AGBL3: variants seen among roughly 807,000 people sequenced by gnomAD.
The protein encoded by AGBL3 is AGBL carboxypeptidase 3.
A neutral mutation model predicts 94.5 loss-of-function variants in AGBL3; 68 were observed. That is an observed-to-expected ratio of 0.72 (90% CI 0.59 to 0.88). The LOEUF (loss-of-function observed/expected upper bound fraction) is 0.88, where lower values mean the gene tolerates loss of function less well. Ranked by LOEUF, AGBL3 falls within the 40% of genes least tolerant of loss-of-function variation. The pLI is 0.00. For synonymous variants in AGBL3, 354 were observed against 370.7 expected (o/e 0.95, Z 0.52); for missense variants, 934 against 1,103.8 (o/e 0.85, Z 2.18).
chr7:134,999,266 A>G (rs767334961), intron 4 of AGBL3, among the ~76,000 whole-genome samples: 9 of 152,182 alleles, frequency 5.9e-5, no homozygotes, highest in Non-Finnish European at 1.2e-4. Context: ...AGTCCAGAGT[A>G]AATGTCTAGT....
rs112347407 is a variant in AGBL3, at chr7:134,997,383, G to A, written c.310+3705G>A. ...TGCGGCAGGGTCCAGATGAGACCTA[G>A]CACAAGCTTCCAGTTGTTCTCTCCC... On this transcript the variant is annotated intron_variant, in intron 4 of 16. Coordinates refer to ENST00000436302, the MANE Select transcript of AGBL3 (RefSeq NM_178563.4). 8.4e-3 allele frequency among the ~76,000 whole-genome samples: 1,275 copies of A among 152,278 alleles called. 17 individuals are homozygous for A. Among genetic ancestry groups the A allele is most frequent in the African/African-American group, 0.029 (1,215 of 41,554 alleles).
intron 16 of AGBL3, among the ~76,000 whole-genome samples, chr7:135,127,559 A>G (rs1428327621): frequency 6.6e-6 from 1 of 152,168 alleles, no homozygotes; most frequent in Admixed American, 6.5e-5. Flanking sequence ...CTAAAAAAAA[A>G]AAAAAAACTC....
At position 135,034,568 on chromosome 7, in the gene AGBL3, G is replaced by T. The variant is rs1171188152; in HGVS notation, c.977G>T (p.Arg326Leu). The change falls in exon 7 of 17, where the codon CGT becomes CTT. Residue 326 changes from arginine (R) to leucine (L), a missense_variant. Transcript: ENST00000436302. The stretch of plus-strand genomic sequence containing the variant: ...GTACGGTCAAAGTTTTGTAAAATAC[G>T]TGTTTTGTGCCACACGCTTGCTAGG... ...DPVRSKFCKIRVLCHTLARNM... is the reference protein window; with the variant it reads ...DPVRSKFCKILVLCHTLARNM... The T allele has an allele frequency of 3.9e-6, 6 of 1,551,786 alleles. No homozygotes were observed. Among genetic ancestry groups the T allele is most frequent in the Non-Finnish European group, 5.2e-6 (6 of 1,147,010 alleles).
intron 6 of AGBL3, among the ~76,000 whole-genome samples, chr7:135,033,477 CA>C (rs1310735736): frequency 6.6e-6 from 1 of 152,156 alleles, no homozygotes; most frequent in Non-Finnish European, 1.5e-5. Flanking sequence ...TGTACACATA[CA>C]CATTACATGC....
rs1246339932 is a variant in AGBL3 at position 134,994,721 on chromosome 7, G to A, written c.310+1043G>A. Among the ~76,000 whole-genome samples, 4 of 152,126 alleles carry A rather than the reference G, an allele frequency of 2.6e-5. No homozygotes were observed. The East Asian group carries it at 7.7e-4, about 29-fold the overall frequency. ...CTGGCATATAGATAGATAGACATGGGGAGAAAGGACGGGTGGAGAGAGAGA... is the reference window on the plus strand; with the variant it reads ...CTGGCATATAGATAGATAGACATGGAGAGAAAGGACGGGTGGAGAGAGAGA... On this transcript the variant is annotated intron_variant, in intron 4 of 16. Coordinates refer to ENST00000436302, the MANE Select transcript of AGBL3 (RefSeq NM_178563.4).
At chr7:135,010,296 GTTTT>G in intron 4 of AGBL3, 1 of 250,028 alleles carries the variant, frequency 4.0e-6, no homozygotes, top group African/African-American at 2.4e-5. Flanking sequence ...AAAGTGCTGG[GTTTT>G]TTTTTGTTGT....
At position 135,112,956 on chromosome 7, in the gene AGBL3, T is replaced by C. The variant is rs937436960; in HGVS notation, c.2111-2424T>C. Among the ~76,000 whole-genome samples the C allele has an allele frequency of 5.3e-5, 8 of 152,252 alleles. No individual in the cohort carries two copies. In the South Asian group the frequency reaches 1.2e-3, roughly 24 times the overall value. On this transcript the variant is annotated intron_variant, in intron 15 of 16. Transcript: ENST00000436302. ...CATGCCGACTTAATTTTTGTATTTT[T>C]AGTAGAGACAGGGTTTCACCCTGTT...
chr7:135,026,705 T>C (rs1399967084), intron 5 of AGBL3, among the ~76,000 whole-genome samples: 2 of 151,726 alleles, frequency 1.3e-5, no homozygotes, highest in Admixed American at 6.6e-5. Context: ...CTCCCCGTTT[T>C]ATTTTCAATC....
chr7:134,991,201 T>TGG (rs58596813), intron 3 of AGBL3, among the ~76,000 whole-genome samples: 2,108 of 80,410 alleles, frequency 0.026, 38 homozygotes, highest in Admixed American at 0.035. Context: ...TGTGTGTGGG[T>TGG]GGGGGGGGGG....
At chr7:135,073,329 G>T (rs1307656554) in intron 12 of AGBL3, among the ~76,000 whole-genome samples, 1 of 152,052 alleles carries the variant, frequency 6.6e-6, no homozygotes, top group African/African-American at 2.4e-5. Flanking sequence ...AATTAGCTGG[G>T]TGTGGTGGTG....
intron 16 of AGBL3, among the ~76,000 whole-genome samples, chr7:135,124,266 A>T (rs1233525100): frequency 6.6e-6 from 1 of 152,130 alleles, no homozygotes; most frequent in Admixed American, 6.5e-5. Context: ...CTGACAAAAT[A>T]GACTTTAAAC....
intron 15 of AGBL3, among the ~76,000 whole-genome samples, chr7:135,097,397 G>C (rs1200284030): frequency 6.6e-6 from 1 of 152,030 alleles, no homozygotes; most frequent in Non-Finnish European, 1.5e-5. Flanking sequence ...AAATAATCTT[G>C]ATTTCTATGA....
At chr7:135,042,626 G>T (rs879606193) in intron 8 of AGBL3, among the ~76,000 whole-genome samples, 1 of 152,120 alleles carries the variant, frequency 6.6e-6, no homozygotes, top group Admixed American at 6.5e-5. Context: ...TTCATAAAAT[G>T]AGGCTGGGCA....
chr7:135,102,058 C>T (rs1708902998), intron 15 of AGBL3, among the ~76,000 whole-genome samples: 1 of 152,196 alleles, frequency 6.6e-6, no homozygotes, highest in South Asian at 2.1e-4. Flanking sequence ...CACATAGAAT[C>T]GTGATTCCAT....
At chr7:135,043,047 C>T (rs2116541392) in intron 8 of AGBL3, among the ~76,000 whole-genome samples, 1 of 152,280 alleles carries the variant, frequency 6.6e-6, no homozygotes, top group Middle Eastern at 3.4e-3. Flanking sequence ...AATGGTCTTT[C>T]ATATGAAGAT....
At chr7:135,116,751 G>C (rs1186827145) in intron 16 of AGBL3, among the ~76,000 whole-genome samples, 2 of 152,166 alleles carry the variant, frequency 1.3e-5, no homozygotes, top group Non-Finnish European at 2.9e-5. Flanking sequence ...TGCTTACATG[G>C]GTGGGAGTGA....
chr7:135,087,831 T>C (rs1821448983), intron 15 of AGBL3, among the ~76,000 whole-genome samples: 1 of 152,096 alleles, frequency 6.6e-6, no homozygotes, highest in African/African-American at 2.4e-5. Flanking sequence ...TTTATTAGGT[T>C]CATTTGTTCT....
intron 12 of AGBL3, among the ~76,000 whole-genome samples, chr7:135,068,333 T>A (rs1236542537): frequency 6.6e-6 from 1 of 152,072 alleles, no homozygotes; most frequent in South Asian, 2.1e-4. Flanking sequence ...CCAGGAGAAC[T>A]TCCCCAATCT....
intron 15 of AGBL3, among the ~76,000 whole-genome samples, chr7:135,091,624 A>G (rs1821866047): frequency 6.6e-6 from 1 of 152,130 alleles, no homozygotes; most frequent in African/African-American, 2.4e-5. Flanking sequence ...TTTTTTGACA[A>G]TTTCTAGCTG....
Sources: allele counts gnomAD v4.1 joint callset (sites outside exome capture counted in the v4.1 genomes callset), GRCh38; gene constraint gnomAD v4.1.1; transcripts MANE v1.5; gene names NCBI Gene and HGNC (gene_info 2026-07-23, HGNC 2026-07-21).